SPTAN1: variants seen among roughly 807,000 people sequenced by gnomAD.
SPTAN1 encodes the protein spectrin alpha, non-erythrocytic 1, also known as spectrin alpha chain, non-erythrocytic 1.
In SPTAN1, 61 loss-of-function variants were observed where a neutral mutation model predicts 331.3. The observed-to-expected ratio is 0.18, with a 90% confidence interval of 0.15 to 0.23. SPTAN1 has a LOEUF of 0.23. Ranked by LOEUF, SPTAN1 falls within the 10% of genes least tolerant of loss-of-function variation. The pLI is 1.00. For synonymous variants in SPTAN1, 1,153 were observed against 1,173.9 expected (o/e 0.98, Z 0.36); for missense variants, 2,043 against 3,147.9 (o/e 0.65, Z 8.40).
intron 23 of SPTAN1, 105 bp from the exon 24 acceptor site, chr9:128,594,068 TAG>T: frequency 9.5e-7 from 1 of 1,051,368 alleles, no homozygotes; most frequent in Non-Finnish European, 1.5e-6. Context: ...TACAAACTCG[TAG>T]CCTGGAATCC....
rs367687143 is a variant in SPTAN1 at position 128,568,763 on chromosome 9, C to T, written c.238-9C>T. The T allele has an allele frequency of 2.5e-5, 41 of 1,613,754 alleles. No homozygotes were observed. Among genetic ancestry groups the T allele is most frequent in the African/African-American group, 1.2e-4 (9 of 74,892 alleles). ...TGCGTCTGAGGCTCACTTCAAGGTC[C>T]GCCAACAGGGAAAGCTTCAGAAGCA... On this transcript the variant is annotated splice_polypyrimidine_tract_variant and intron_variant, in intron 2 of 56. Coordinates refer to ENST00000372739, the MANE Select transcript of SPTAN1 (RefSeq NM_001130438.3).
intron 19 of SPTAN1, 54 bp downstream of exon 19, chr9:128,586,019 A>T: frequency 6.5e-7 from 1 of 1,540,640 alleles, no homozygotes; most frequent in Non-Finnish European, 8.9e-7. Context: ...CAGGGCTTGT[A>T]CTGAGAAGGA....
chr9:128,558,120 A>C (rs558527631), intron 1 of SPTAN1, among the ~76,000 whole-genome samples: 1 of 152,160 alleles, frequency 6.6e-6, no homozygotes, highest in South Asian at 2.1e-4. Flanking sequence ...AGAAATTTCT[A>C]GCCAAGATTC....
In SPTAN1 at chr9:128,589,080, C is replaced by A. The variant is rs955808827; in HGVS notation, c.3006+137C>A. On this transcript the variant is annotated intron_variant, in intron 21 of 56. Coordinates refer to ENST00000372739, the MANE Select transcript of SPTAN1 (RefSeq NM_001130438.3). ...AAGACATGAGTTTCCTCACCAATCC[C>A]CCACGTGACATACATTTATGCAGTA... is the stretch of plus-strand genomic sequence containing the variant. 2.5e-5 allele frequency: 31 copies of A among 1,245,218 alleles called. No individual in the cohort carries two copies. The African/African-American group carries it at 4.2e-4, about 17-fold the overall frequency. 77.1% of individuals were successfully genotyped at this position (1,245,218 alleles called of 1,614,324 possible). A position where few individuals can be genotyped will look rare whatever the true frequency, so the allele number is the denominator to read the frequency against.
intron 2 of SPTAN1, 134 bp from the exon 3 acceptor site, chr9:128,568,638 G>A: frequency 8.1e-7 from 1 of 1,228,276 alleles, no homozygotes; most frequent in Non-Finnish European, 1.2e-6. Context: ...GTAAGAGAAT[G>A]GGCAAGGTGC....
rs377444045 is a variant in SPTAN1, at chr9:128,575,153, A to G, written c.505-46A>G. The G allele has an allele frequency of 1.8e-5, 29 of 1,613,530 alleles. No individual in the cohort carries two copies. In the African/African-American group the frequency reaches 3.3e-4, roughly 19 times the overall value. On this transcript the variant is annotated intron_variant, in intron 4 of 56. Coordinates refer to ENST00000372739, the MANE Select transcript of SPTAN1 (RefSeq NM_001130438.3). The stretch of plus-strand genomic sequence containing the variant: ...TTGATGTTTCTGGAAGCCATTGTTA[A>G]CAAATGTTGGTTGGTGACTCTGGCT...
Position 128,621,134 on chromosome 9 carries a change from G to C in SPTAN1, c.5734-24G>C, listed in dbSNP as rs753195760. On this transcript the variant is annotated intron_variant, in intron 44 of 56. Transcript: ENST00000372739. ...CAACACATAGCAGGCTCTCAATAGT[G>C]TGCCTTGGCTGCTTCTACTCCAGGG... is the stretch of plus-strand genomic sequence containing the variant. 6 of 1,610,076 alleles carry C rather than the reference G, an allele frequency of 3.7e-6. No individual in the cohort carries two copies. The South Asian group carries it at 6.6e-5, about 18-fold the overall frequency.
intron 3 of SPTAN1, among the ~76,000 whole-genome samples, chr9:128,573,658 G>A (rs562146491): frequency 6.6e-6 from 1 of 151,952 alleles, no homozygotes; most frequent in African/African-American, 2.4e-5. Context: ...GTTTCACCAT[G>A]TTGGCCAGGC....
rs1433188430 is a variant in SPTAN1 at position 128,627,884 on chromosome 9, C to T, written c.6690-41C>T. 2 of 1,613,588 alleles carry T rather than the reference C, an allele frequency of 1.2e-6. No individual in the cohort carries two copies. The highest frequency in any genetic ancestry group is 1.7e-6 in the Non-Finnish European group (2 of 1,179,494). On this transcript the variant is annotated intron_variant, in intron 50 of 56. Coordinates refer to ENST00000372739, the MANE Select transcript of SPTAN1 (RefSeq NM_001130438.3). This position sits in a 1 kb window ranked among gnomAD's most constrained non-coding sequence, Gnocchi z 4.9. ...CCCCCGATTGCTGCTGTTGTCCGGA[C>T]ACCACCTTGTCTCCCGGCTGCTTGG... is the stretch of plus-strand genomic sequence containing the variant.
intron 56 of SPTAN1, 26 bp from the exon 57 acceptor site, chr9:128,633,183 A>C: frequency 6.2e-7 from 1 of 1,613,678 alleles, no homozygotes; most frequent in Non-Finnish European, 8.5e-7. Context: ...TGGCTCAGGC[A>C]CCAGGTGCCA....
At chr9:128,592,637 C>A (rs1204755794) in intron 22 of SPTAN1, among the ~76,000 whole-genome samples, 1 of 152,206 alleles carries the variant, frequency 6.6e-6, no homozygotes, top group Non-Finnish European at 1.5e-5. Flanking sequence ...AAATACGTGG[C>A]TAAATTGCCT....
chr9:128,591,749 C>A, intron 22 of SPTAN1, 124 bp downstream of exon 22: 2 of 1,246,616 alleles, frequency 1.6e-6, no homozygotes, highest in Non-Finnish European at 1.1e-6. Context: ...CTGCTGTCTC[C>A]ACCCCACTTT....
chr9:128,627,816 T>G lies in SPTAN1; in HGVS notation c.6690-109T>G, dbSNP rs1024729580. On this transcript the variant is annotated intron_variant, in intron 50 of 56. Coordinates refer to ENST00000372739, the MANE Select transcript of SPTAN1 (RefSeq NM_001130438.3). This position sits in a 1 kb window ranked among gnomAD's most constrained non-coding sequence, Gnocchi z 4.9. ...GGGTCTGTGCGTTGGGTACTGATGTTCTTGCTTTTGTTTTCCTTTCTTTCT... is the reference window on the plus strand; with the variant it reads ...GGGTCTGTGCGTTGGGTACTGATGTGCTTGCTTTTGTTTTCCTTTCTTTCT... 1 of 1,402,740 alleles carries G rather than the reference T, an allele frequency of 7.1e-7. No individual in the cohort carries two copies. 86.9% of individuals were successfully genotyped at this position (1,402,740 alleles called of 1,614,324 possible).
chr9:128,568,492 T>C (rs953304638), intron 2 of SPTAN1, among the ~76,000 whole-genome samples: 8 of 152,216 alleles, frequency 5.3e-5, no homozygotes, highest in African/African-American at 1.9e-4. Flanking sequence ...AAAAAATTAT[T>C]AATAGGATAT....
chr9:128,581,877 G>C lies in SPTAN1; in HGVS notation c.1557G>C (p.Gln519His). 6.2e-7 allele frequency: 1 copy of C among 1,613,032 alleles called. No individual in the cohort carries two copies. Among genetic ancestry groups the C allele is most frequent in the Non-Finnish European group, 8.5e-7 (1 of 1,179,088 alleles). Residue 519 changes from glutamine to histidine, a missense_variant, in exon 12 of 57, where the codon CAG becomes CAC. Gln to His is a conservative substitution (Grantham distance 24). Transcript: ENST00000372739. ...HEDFEKSLSA[Q>H]EEKITALDEF... ...ACTTTGAGAAATCCCTTAGTGCCCAGGAGGAAAAGATTACAGTAAGACCCC... is the reference window on the plus strand; with the variant it reads ...ACTTTGAGAAATCCCTTAGTGCCCACGAGGAAAAGATTACAGTAAGACCCC...
At chr9:128,611,071 A>G (rs1320030014) in intron 37 of SPTAN1, among the ~76,000 whole-genome samples, 1 of 152,238 alleles carries the variant, frequency 6.6e-6, no homozygotes, top group Non-Finnish European at 1.5e-5. Flanking sequence ...ATTGATGTAC[A>G]AGCAGATTCA....
chr9:128,613,323 C>G (rs974231803), intron 39 of SPTAN1, 58 bp from the exon 40 acceptor site: 1 of 1,479,750 alleles, frequency 6.8e-7, no homozygotes. Flanking sequence ...CCTGAATTTT[C>G]CAGAATGCTG....
intron 3 of SPTAN1, among the ~76,000 whole-genome samples, chr9:128,573,762 C>CT (rs1015803577): frequency 1.6e-4 from 24 of 150,794 alleles, no homozygotes; most frequent in African/African-American, 4.4e-4. Flanking sequence ...CCCTTTTCTA[C>CT]TTTTTTTTTG....
rs1326468154 is a variant in SPTAN1, at chr9:128,603,536, T to G, written c.3580-7T>G. 2 of 1,614,168 alleles carry G rather than the reference T, an allele frequency of 1.2e-6. No homozygotes were observed. Among genetic ancestry groups the G allele is most frequent in the Non-Finnish European group, 1.7e-6 (2 of 1,180,034 alleles). On this transcript the variant is annotated splice_region_variant and splice_polypyrimidine_tract_variant and intron_variant, in intron 27 of 56. Coordinates refer to ENST00000372739, the MANE Select transcript of SPTAN1 (RefSeq NM_001130438.3). ...TAGTTTTGCCTTCTGCTTTCCTCCC[T>G]ACCTAGTCTGCTCGTCTGATGGTTC...
Sources: allele counts gnomAD v4.1 joint callset (sites outside exome capture counted in the v4.1 genomes callset), GRCh38; gene constraint gnomAD v4.1.1; non-coding constraint Gnocchi (gnomAD v3.1); transcripts MANE v1.5; gene names NCBI Gene and HGNC (gene_info 2026-07-23, HGNC 2026-07-21).